CDYL2: variants seen among roughly 807,000 people sequenced by gnomAD.
CDYL2 encodes chromodomain Y-like protein 2.
A neutral mutation model predicts 49.4 loss-of-function variants in CDYL2; 23 were observed. That is an observed-to-expected ratio of 0.47 (90% CI 0.34 to 0.66). The LOEUF is 0.66. Among genes scored for constraint, CDYL2 ranks in the 30% least tolerant of loss-of-function variants. CDYL2 has a pLI of 0.01. For missense variants in CDYL2, 678 were observed against 656.4 expected, an observed-to-expected ratio of 1.03 and a Z score of -0.36; for synonymous variants, 360 against 268.8, an observed-to-expected ratio of 1.34 and a Z score of -3.32.
At chr16:80,743,235 A>G (rs1237018277) in intron 1 of CDYL2, among the ~76,000 whole-genome samples, 1 of 152,246 alleles carries the variant, frequency 6.6e-6, no homozygotes, top group African/African-American at 2.4e-5. Flanking sequence ...AGCAAAACCC[A>G]ATACTTCTGC....
At chr16:80,695,051 G>A (rs543393807) in intron 1 of CDYL2, among the ~76,000 whole-genome samples, 14 of 152,360 alleles carry the variant, frequency 9.2e-5, no homozygotes, top group African/African-American at 3.4e-4. Context: ...AAATATTCAA[G>A]AGTCCATCTG....
rs1313704030 is a variant in CDYL2, at chr16:80,600,898, A to T, written c.*3490T>A. ...TTCAGAGATACAGTTGCATTGTTCA[A>T]AGTCTACTGTGATTATTATTTTTCC... On this transcript the variant is annotated 3_prime_UTR_variant, in exon 7 of 7. Transcript: ENST00000570137. The T allele has an allele frequency of 6.6e-6, 1 of 152,214 alleles. No homozygotes were observed. The highest frequency in any genetic ancestry group is 1.5e-5 in the Non-Finnish European group (1 of 68,034). The allele number at this position is 152,214 out of a possible 1,614,324, so 9.4% of individuals were successfully genotyped here. A position where few individuals can be genotyped will look rare whatever the true frequency, so the allele number is the denominator to read the frequency against.
intron 1 of CDYL2, among the ~76,000 whole-genome samples, chr16:80,738,407 TA>T (rs1178220698): frequency 3.5e-5 from 5 of 144,854 alleles, no homozygotes; most frequent in Non-Finnish European, 6.3e-5. Context: ...ATTTTTTTTT[TA>T]AAAAAAGGAA....
At chr16:80,607,756 G>C (rs6420416) in intron 6 of CDYL2, among the ~76,000 whole-genome samples, 57,223 of 151,758 alleles carry the variant, frequency 0.38, 12,750 homozygotes, top group African/African-American at 0.63. Flanking sequence ...TATCCTTATT[G>C]GCCGCTGCTT....
intron 1 of CDYL2, among the ~76,000 whole-genome samples, chr16:80,727,251 G>A (rs1018062950): frequency 3.3e-5 from 5 of 152,210 alleles, no homozygotes; most frequent in African/African-American, 1.2e-4. Context: ...CACCGTGCCC[G>A]AGCCAAAGCA....
chr16:80,712,038 TATGTGTGTATATAGATGTGTGTGTATAG>T (rs1567580914), intron 1 of CDYL2, among the ~76,000 whole-genome samples: 20 of 144,006 alleles, frequency 1.4e-4, no homozygotes, highest in African/African-American at 4.7e-4. Flanking sequence ...TGTGTATATA[TATGTGTGTATATAGATGTGTGTGTATAG>T]ATGTGTGTAT....
intron 2 of CDYL2, among the ~76,000 whole-genome samples, chr16:80,677,371 G>C (rs73591096): frequency 6.6e-6 from 1 of 152,130 alleles, no homozygotes; most frequent in Non-Finnish European, 1.5e-5. Context: ...TGTTATCTAG[G>C]TTTTCAGATT....
rs1484616787 is a variant in CDYL2 at position 80,804,541 on chromosome 16, G to A, written c.-368C>T. ...GCTGCAGCCGGCAACGGCTCGCCCC[G>A]GCGCCGCCTGCAGGAAGCCGCCCGG... On this transcript the variant is annotated 5_prime_UTR_variant, in exon 1 of 7. Transcript: ENST00000570137. Among the ~76,000 whole-genome samples the A allele has an allele frequency of 6.9e-6, 1 of 144,564 alleles. No individual in the cohort carries two copies. The highest frequency in any genetic ancestry group is 1.5e-5 in the Non-Finnish European group (1 of 65,204). The allele number at this position is 144,564 out of a possible 152,430, so 94.8% of individuals were successfully genotyped here.
chr16:80,624,476 C>T (rs1907218874), intron 3 of CDYL2, among the ~76,000 whole-genome samples: 1 of 152,050 alleles, frequency 6.6e-6, no homozygotes, highest in African/African-American at 2.4e-5. Flanking sequence ...CCTGAGGTGT[C>T]TGATGGAAAT....
At chr16:80,607,217 A>T (rs753023435) in intron 6 of CDYL2, among the ~76,000 whole-genome samples, 7 of 152,168 alleles carry the variant, frequency 4.6e-5, no homozygotes, top group Non-Finnish European at 8.8e-5. Flanking sequence ...CTGTCTGTTC[A>T]GCTTGCAGGG....
intron 2 of CDYL2, among the ~76,000 whole-genome samples, chr16:80,645,896 A>C (rs1315278067): frequency 6.7e-6 from 1 of 149,812 alleles, no homozygotes; most frequent in Non-Finnish European, 1.5e-5. Flanking sequence ...CAGAAAACCA[A>C]ACACCGCATG....
At chr16:80,668,150 C>A (rs1247228590) in intron 2 of CDYL2, among the ~76,000 whole-genome samples, 2 of 152,252 alleles carry the variant, frequency 1.3e-5, no homozygotes, top group Non-Finnish European at 2.9e-5. Context: ...AGTCCCTGCA[C>A]ACCGTAAATC....
At chr16:80,674,434 TTA>T (rs1909659202) in intron 2 of CDYL2, among the ~76,000 whole-genome samples, 1 of 151,972 alleles carries the variant, frequency 6.6e-6, no homozygotes, top group Non-Finnish European at 1.5e-5. Context: ...CTCCTTTTTT[TTA>T]AAACAAAAAC....
intron 1 of CDYL2, among the ~76,000 whole-genome samples, chr16:80,777,211 G>A (rs189237052): frequency 1.2e-4 from 19 of 152,298 alleles, no homozygotes; most frequent in African/African-American, 4.6e-4. Flanking sequence ...ACACTGAGAA[G>A]GGGGCACACA....
chr16:80,697,325 A>C lies in CDYL2; in HGVS notation c.25-12196T>G, dbSNP rs191619410. 1.9e-3 allele frequency among the ~76,000 whole-genome samples: 288 copies of C among 152,314 alleles called. 2 individuals carry two copies. Among genetic ancestry groups the C allele is most frequent in the African/African-American group, 6.5e-3 (270 of 41,560 alleles). On this transcript the variant is annotated intron_variant, in intron 1 of 6. Coordinates refer to ENST00000570137, the MANE Select transcript of CDYL2 (RefSeq NM_152342.4). ...TTAAGAATGAAAGACAAAAACCATA[A>C]AATCATCCCAATGGATACAGAGAAA...
intron 1 of CDYL2, among the ~76,000 whole-genome samples, chr16:80,722,308 G>A (rs1339622871): frequency 6.6e-6 from 1 of 152,176 alleles, no homozygotes; most frequent in Non-Finnish European, 1.5e-5. Context: ...ACCAAGACAT[G>A]TGAAAGCTCA....
chr16:80,672,609 G>GGAAAGGAAAGGAAAC (rs1909574496), intron 2 of CDYL2, among the ~76,000 whole-genome samples: 2 of 140,968 alleles, frequency 1.4e-5, no homozygotes, highest in South Asian at 4.5e-4. Flanking sequence ...GGAAAGGAAA[G>GGAAAGGAAAGGAAAC]GAAAAGAAAG....
intron 2 of CDYL2, among the ~76,000 whole-genome samples, chr16:80,680,241 G>A (rs754840758): frequency 5.3e-5 from 8 of 152,276 alleles, no homozygotes; most frequent in Admixed American, 2.0e-4. Context: ...TGCAAACACT[G>A]AATCATGCAA....
intron 2 of CDYL2, among the ~76,000 whole-genome samples, chr16:80,661,219 T>A (rs1909030098): frequency 6.6e-6 from 1 of 152,074 alleles, no homozygotes; most frequent in South Asian, 2.1e-4. Context: ...AAGGATGCTA[T>A]CCCCAATTGA....
Sources: allele counts gnomAD v4.1 joint callset (sites outside exome capture counted in the v4.1 genomes callset), GRCh38; gene constraint gnomAD v4.1.1; transcripts MANE v1.5; gene names NCBI Gene and HGNC (gene_info 2026-07-23, HGNC 2026-07-21).